Variants in RFC1 observed in about 807,000 individuals in gnomAD.
The protein encoded by RFC1 is A1 140 kDa subunit.
A neutral mutation model predicts 137.4 loss-of-function variants in RFC1; 37 were observed. That is an observed-to-expected ratio of 0.27 (90% CI 0.21 to 0.35). The LOEUF is 0.35. RFC1 is among the 10% of genes least tolerant of loss of function. RFC1 has a pLI of 1.00. For missense variants in RFC1, 1,205 were observed against 1,358.5 expected, an observed-to-expected ratio of 0.89 and a Z score of 1.78; for synonymous variants, 429 against 455.7, an observed-to-expected ratio of 0.94 and a Z score of 0.75.
At chr4:39,363,061 C>A (rs1390335519) in intron 1 of RFC1, among the ~76,000 whole-genome samples, 1 of 152,198 alleles carries the variant, frequency 6.6e-6, no homozygotes, top group Non-Finnish European at 1.5e-5. Flanking sequence ...TTAAACTGAC[C>A]TCACGGCTCT....
chr4:39,325,897 T>C (rs1266012422), intron 6 of RFC1, among the ~76,000 whole-genome samples: 1 of 152,168 alleles, frequency 6.6e-6, no homozygotes, highest in Non-Finnish European at 1.5e-5. Context: ...TAATTTTCTT[T>C]TAAGATCCAC....
At position 39,320,473 on chromosome 4, in the gene RFC1, A is replaced by C; in HGVS notation, c.1005T>G (p.Pro335=). The change falls in exon 9 of 25, where the codon CCT becomes CCG. Residue 335 remains proline, a synonymous_variant. Coordinates refer to ENST00000349703, the MANE Select transcript of RFC1 (RefSeq NM_002913.5). ...CATTTTCTTTTCTTTTTGAGGCCACAGGCTCTATTTCTTTATAAGAGCTCT... is the reference window on the plus strand; with the variant it reads ...CATTTTCTTTTCTTTTTGAGGCCACCGGCTCTATTTCTTTATAAGAGCTCT... The part of the protein sequence containing the change: ...KEESSYKEIE[P]VASKRKENAI... 6.2e-7 allele frequency: 1 copy of C among 1,602,710 alleles called. No individual in the cohort carries two copies. The highest frequency in any genetic ancestry group is 1.4e-5 in the African/African-American group (1 of 73,950).
chr4:39,364,180 T>A (rs1741905772), intron 1 of RFC1, among the ~76,000 whole-genome samples: 1 of 150,840 alleles, frequency 6.6e-6, no homozygotes, highest in South Asian at 2.1e-4. Flanking sequence ...AATTTGCATA[T>A]CATTCACTGT....
intron 9 of RFC1, among the ~76,000 whole-genome samples, chr4:39,318,738 ATC>A (rs1169724075): frequency 1.3e-5 from 2 of 152,244 alleles, no homozygotes; most frequent in African/African-American, 4.8e-5. Context: ...TGCAGAAAAA[ATC>A]TGAGATCAAA....
In RFC1 at chr4:39,307,714, T is replaced by TCAAAACAAAA. The variant is rs1342256044; in HGVS notation, c.1885+912_1885+921dup. Among the ~76,000 whole-genome samples the TCAAAACAAAA allele has an allele frequency of 2.6e-3, 357 of 136,038 alleles. 1 individual carries two copies. The highest frequency in any genetic ancestry group is 9.0e-3 in the African/African-American group (340 of 37,754). 89.2% of individuals were successfully genotyped at this position (136,038 alleles called of 152,430 possible). ...CTGGGCAACAGAGCAAGACTCTGTC[T>TCAAAACAAAA]CAAAACAAAACAAAACAAAACAAAA... On this transcript the variant is annotated intron_variant, in intron 13 of 24. Transcript: ENST00000349703.
At chr4:39,366,199 C>A (rs556270065) in intron 1 of RFC1, 40 bp downstream of exon 1, 2 of 1,550,542 alleles carry the variant, frequency 1.3e-6, no homozygotes, top group South Asian at 2.4e-5. Flanking sequence ...TGCAAAGCCC[C>A]CCCAGACCCC....
At chr4:39,315,732 G>A (rs1435355671) in intron 10 of RFC1, among the ~76,000 whole-genome samples, 1 of 152,056 alleles carries the variant, frequency 6.6e-6, no homozygotes, top group African/African-American at 2.4e-5. Context: ...TTATCACCAA[G>A]TCCCATAGAT....
chr4:39,326,438 T>C, intron 6 of RFC1, 125 bp downstream of exon 6: 2 of 644,506 alleles, frequency 3.1e-6, no homozygotes, highest in Non-Finnish European at 5.3e-6. Context: ...AATTTAGATT[T>C]TCATTTATTA....
intron 4 of RFC1, among the ~76,000 whole-genome samples, chr4:39,333,668 C>T (rs1740217353): frequency 6.6e-6 from 1 of 152,048 alleles, no homozygotes; most frequent in African/African-American, 2.4e-5. Flanking sequence ...GTATAAACAT[C>T]ACCCCTAAAA....
intron 23 of RFC1, among the ~76,000 whole-genome samples, chr4:39,290,500 T>C (rs1260318111): frequency 6.6e-6 from 1 of 152,102 alleles, no homozygotes; most frequent in Non-Finnish European, 1.5e-5. Context: ...TAAGCAAAGT[T>C]AATCAGTGAA....
intron 4 of RFC1, among the ~76,000 whole-genome samples, chr4:39,339,609 T>C (rs1480269396): frequency 6.6e-6 from 1 of 152,226 alleles, no homozygotes; most frequent in East Asian, 1.9e-4. Flanking sequence ...TCTATTGAAT[T>C]GTATGAATTA....
intron 4 of RFC1, among the ~76,000 whole-genome samples, chr4:39,334,956 T>C (rs1174973041): frequency 6.6e-6 from 1 of 152,128 alleles, no homozygotes; most frequent in Non-Finnish European, 1.5e-5. Flanking sequence ...ATAAAAAATG[T>C]GGGGGTCCAT....
intron 4 of RFC1, among the ~76,000 whole-genome samples, chr4:39,336,058 AT>A (rs1740337242): frequency 6.6e-6 from 1 of 152,236 alleles, no homozygotes; most frequent in African/African-American, 2.4e-5. Context: ...TTAGTGTCTC[AT>A]TATTTACTGT....
chr4:39,316,048 T>C (rs1230322623), intron 10 of RFC1, among the ~76,000 whole-genome samples: 2 of 152,014 alleles, frequency 1.3e-5, no homozygotes, highest in African/African-American at 2.4e-5. Context: ...CTGACCAACA[T>C]GGAGAAACCC....
At chr4:39,356,582 A>G (rs1043501785) in intron 1 of RFC1, among the ~76,000 whole-genome samples, 1 of 152,210 alleles carries the variant, frequency 6.6e-6, no homozygotes, top group South Asian at 2.1e-4. Context: ...GACTTTACCT[A>G]AGAAATTTTA....
intron 2 of RFC1, among the ~76,000 whole-genome samples, chr4:39,349,472 C>T (rs1741073968): frequency 6.6e-6 from 1 of 152,204 alleles, no homozygotes; most frequent in African/African-American, 2.4e-5. Context: ...TGCTCAATCT[C>T]TCTCTCCACC....
chr4:39,325,160 C>G (rs975484881), intron 6 of RFC1, among the ~76,000 whole-genome samples: 1 of 152,134 alleles, frequency 6.6e-6, no homozygotes, highest in African/African-American at 2.4e-5. Flanking sequence ...TTAAATATTA[C>G]TCAACTGGTA....
chr4:39,313,022 C>CTCT lies in RFC1; in HGVS notation c.1204-92_1204-91insAGA, dbSNP rs1739047324. ...TCAAAACTGCAGGAAGTTGATTTTT[C>CTCT]TCATTTCACATCATAAATAACCTTG... On this transcript the variant is annotated intron_variant, in intron 10 of 24. Coordinates refer to ENST00000349703, the MANE Select transcript of RFC1 (RefSeq NM_002913.5). 8 of 1,059,532 alleles carry CTCT rather than the reference C, an allele frequency of 7.6e-6. No homozygotes were observed. The Admixed American group carries it at 1.8e-4, about 24-fold the overall frequency. 65.6% of individuals were successfully genotyped at this position (1,059,532 alleles called of 1,614,324 possible).
intron 6 of RFC1, among the ~76,000 whole-genome samples, chr4:39,324,158 A>G (rs922449293): frequency 1.3e-5 from 2 of 152,230 alleles, no homozygotes; most frequent in Non-Finnish European, 2.9e-5. Context: ...CGTGATATTC[A>G]ATAAAAAACA....
Sources: gnomAD v4.1 joint callset for allele counts (sites outside exome capture counted in the v4.1 genomes callset) on GRCh38, gnomAD v4.1.1 for gene constraint, MANE v1.5 for transcripts, NCBI Gene and HGNC (gene_info 2026-07-23, HGNC 2026-07-21) for gene names.